EEFSEC: variants seen among roughly 807,000 people sequenced by gnomAD.
EEFSEC encodes eukaryotic elongation factor, selenocysteine-tRNA specific.
In EEFSEC, 43 loss-of-function variants were observed where a neutral mutation model predicts 42.1. That is an observed-to-expected ratio of 1.02 (90% CI 0.80 to 1.32). The LOEUF (loss-of-function observed/expected upper bound fraction) is 1.32. EEFSEC is among the 40% of genes most tolerant of loss of function. The probability of loss-of-function intolerance (pLI) is 0.00; values close to 1 mark genes in which losing one functional copy is unlikely to be tolerated. For synonymous variants in EEFSEC, 354 were observed against 339.1 expected, an observed-to-expected ratio of 1.04 and a Z score of -0.48; for missense variants, 745 against 803.6, an observed-to-expected ratio of 0.93 and a Z score of 0.88.
intron 1 of EEFSEC, among the ~76,000 whole-genome samples, chr3:128,161,780 A>T (rs2065190411): frequency 6.6e-6 from 1 of 152,146 alleles, no homozygotes; most frequent in African/African-American, 2.4e-5. Flanking sequence ...CTTTCTGCAG[A>T]TGCCCTCTCT....
intron 1 of EEFSEC, among the ~76,000 whole-genome samples, chr3:128,243,914 G>A (rs2955085): frequency 0.86 from 130,681 of 152,258 alleles, 56,299 homozygotes; most frequent in East Asian, 0.99. Context: ...AGCAGTCAAC[G>A]GACTTCCCTA....
intron 1 of EEFSEC, among the ~76,000 whole-genome samples, chr3:128,231,646 G>A (rs2065959861): frequency 6.6e-6 from 1 of 152,094 alleles, no homozygotes; most frequent in East Asian, 1.9e-4. Flanking sequence ...GCCCTTTCCT[G>A]TGGGGCCTGA....
At chr3:128,228,399 G>A (rs908214618) in intron 1 of EEFSEC, among the ~76,000 whole-genome samples, 2 of 152,210 alleles carry the variant, frequency 1.3e-5, no homozygotes, top group African/African-American at 4.8e-5. Context: ...TGGGAAGAAT[G>A]CTCCAGGCAC....
At chr3:128,331,612 A>C (rs1385190435) in intron 4 of EEFSEC, among the ~76,000 whole-genome samples, 2 of 151,904 alleles carry the variant, frequency 1.3e-5, no homozygotes, top group Admixed American at 6.6e-5. Context: ...CACCTGGCTC[A>C]CATAGTGGCT....
intron 6 of EEFSEC, among the ~76,000 whole-genome samples, chr3:128,403,738 G>A (rs530548799): frequency 2.6e-5 from 4 of 152,318 alleles, no homozygotes; most frequent in African/African-American, 7.2e-5. Flanking sequence ...CTGTGGATCC[G>A]TGACAGCAAT....
intron 4 of EEFSEC, among the ~76,000 whole-genome samples, chr3:128,273,462 C>G (rs1291887137): frequency 6.6e-6 from 1 of 152,206 alleles, no homozygotes; most frequent in Non-Finnish European, 1.5e-5. Flanking sequence ...CCCCTGCAGG[C>G]CTTTTTCCTG....
chr3:128,301,157 G>T (rs567091748), intron 4 of EEFSEC, among the ~76,000 whole-genome samples: 79 of 152,294 alleles, frequency 5.2e-4, no homozygotes, highest in African/African-American at 1.9e-3. Context: ...CGTCCTGGGG[G>T]GGTCATGCTT....
intron 1 of EEFSEC, among the ~76,000 whole-genome samples, chr3:128,211,381 G>A (rs533465556): frequency 6.6e-6 from 1 of 152,262 alleles, no homozygotes; most frequent in African/African-American, 2.4e-5. Flanking sequence ...AGCCTCTTGA[G>A]TGGCTGGGAC....
At chr3:128,223,116 C>T (rs2065876864) in intron 1 of EEFSEC, among the ~76,000 whole-genome samples, 1 of 152,150 alleles carries the variant, frequency 6.6e-6, no homozygotes, top group Middle Eastern at 3.2e-3. Flanking sequence ...GTAATGAAAC[C>T]CCAGTAAAAA....
intron 4 of EEFSEC, among the ~76,000 whole-genome samples, chr3:128,294,173 T>C (rs907780419): frequency 6.6e-6 from 1 of 152,196 alleles, no homozygotes; most frequent in African/African-American, 2.4e-5. Context: ...GGGTCCTCAC[T>C]GGGGTGCCTT....
intron 4 of EEFSEC, among the ~76,000 whole-genome samples, chr3:128,268,616 A>G (rs2066380405): frequency 6.6e-6 from 1 of 152,102 alleles, no homozygotes; most frequent in Non-Finnish European, 1.5e-5. Context: ...CCTTAGGTCC[A>G]ATGACCAGTG....
intron 1 of EEFSEC, among the ~76,000 whole-genome samples, chr3:128,223,770 G>A (rs1382642463): frequency 6.6e-6 from 1 of 152,182 alleles, no homozygotes; most frequent in African/African-American, 2.4e-5. Flanking sequence ...ATGTCCATGA[G>A]CATGTGCCCA....
At chr3:128,398,003 A>G (rs1431007745) in intron 6 of EEFSEC, among the ~76,000 whole-genome samples, 1 of 152,202 alleles carries the variant, frequency 6.6e-6, no homozygotes, top group Non-Finnish European at 1.5e-5. Context: ...CACTGACAGG[A>G]CCCTGTGGAG....
chr3:128,338,750 G>A (rs760148040), intron 4 of EEFSEC, among the ~76,000 whole-genome samples: 1 of 152,196 alleles, frequency 6.6e-6, no homozygotes, highest in Non-Finnish European at 1.5e-5. Flanking sequence ...GCTAAGGAGT[G>A]GGGGCTCAGC....
Position 128,315,498 on chromosome 3 carries a change from T to C in EEFSEC, c.787-25735T>C, listed in dbSNP as rs78735397. Among the ~76,000 whole-genome samples the C allele has an allele frequency of 8.9e-3, 1,362 of 152,272 alleles. 23 individuals carry two copies. Among genetic ancestry groups the C allele is most frequent in the African/African-American group, 0.031 (1,292 of 41,550 alleles). ...AAGGCCACACGGCCAATAAGATGTA[T>C]TGAGCAGAGCCTGTGCCCGAGGGCC... is the stretch of plus-strand genomic sequence containing the variant. On this transcript the variant is annotated intron_variant, in intron 4 of 6. Transcript: ENST00000254730.
At chr3:128,347,288 C>T (rs1027218151) in intron 5 of EEFSEC, among the ~76,000 whole-genome samples, 3 of 151,568 alleles carry the variant, frequency 2.0e-5, no homozygotes, top group Non-Finnish European at 4.4e-5. Flanking sequence ...GAAGAGGGAG[C>T]TTGGATTGGT....
chr3:128,269,030 G>A (rs1176836836), intron 4 of EEFSEC, among the ~76,000 whole-genome samples: 1 of 152,212 alleles, frequency 6.6e-6, no homozygotes, highest in African/African-American at 2.4e-5. Flanking sequence ...GGGAGTCGCT[G>A]CCCCTGCTCA....
chr3:128,266,376 C>T (rs2066353932), intron 4 of EEFSEC, among the ~76,000 whole-genome samples: 1 of 152,104 alleles, frequency 6.6e-6, no homozygotes, highest in African/African-American at 2.4e-5. Flanking sequence ...GTGTGCCATC[C>T]CTCATCTAGA....
chr3:128,154,420 T>G (rs1247639087), intron 1 of EEFSEC, among the ~76,000 whole-genome samples: 2 of 152,088 alleles, frequency 1.3e-5, no homozygotes, highest in Non-Finnish European at 2.9e-5. Flanking sequence ...AGAATTCAAC[T>G]GCACCCTTGT....
Sources: allele counts gnomAD v4.1 joint callset (sites outside exome capture counted in the v4.1 genomes callset), GRCh38; gene constraint gnomAD v4.1.1; transcripts MANE v1.5; gene names NCBI Gene and HGNC (gene_info 2026-07-23, HGNC 2026-07-21).